FAXC: variants seen among roughly 807,000 people sequenced by gnomAD.
FAXC encodes the protein failed axon connections homolog.
Under a neutral mutation model 41.9 loss-of-function variants are expected in FAXC, and 10 were observed. That is an observed-to-expected ratio of 0.24 (90% CI 0.15 to 0.41). The LOEUF (loss-of-function observed/expected upper bound fraction) is 0.41, where lower values mean the gene tolerates loss of function less well. Ranked by LOEUF, FAXC falls within the 10% of genes least tolerant of loss-of-function variation. FAXC has a pLI of 1.00. For missense variants in FAXC, 399 were observed against 510.9 expected, an observed-to-expected ratio of 0.78 and a Z score of 2.11; for synonymous variants, 183 against 183.8, an observed-to-expected ratio of 1.00 and a Z score of 0.03.
rs59271412 is a variant in FAXC at position 99,349,529 on chromosome 6, A to AGAGGAGGAG, written c.-166_-158dup. On this transcript the variant is annotated 5_prime_UTR_variant, in exon 1 of 6. Transcript: ENST00000389677. Reference sequence around the variant, plus strand: ...CGGCGGCGACTGAGGAGGCGGCGGCAGAGGAGGAGGAGGAGGAAGGGCACT... The same window carrying AGAGGAGGAG: ...CGGCGGCGACTGAGGAGGCGGCGGCAGAGGAGGAGGAGGAGGAGGAGGAGGAAGGGCACT... 1 of 301,402 alleles carries AGAGGAGGAG rather than the reference A, an allele frequency of 3.3e-6. No homozygotes were observed. The highest frequency in any genetic ancestry group is 4.9e-6 in the Non-Finnish European group (1 of 206,134). The allele number at this position is 301,402 out of a possible 1,614,324, so 18.7% of individuals were successfully genotyped here.
rs147852055 is a variant in FAXC at position 99,318,306 on chromosome 6, C to CACAA, written c.823+5137_823+5138insTTGT. Among the ~76,000 whole-genome samples the CACAA allele has an allele frequency of 3.7e-3, 500 of 135,308 alleles. 2 individuals are homozygous for CACAA. The highest frequency in any genetic ancestry group is 7.8e-3 in the Middle Eastern group (2 of 256). The allele number at this position is 135,308 out of a possible 152,430, so 88.8% of individuals were successfully genotyped here. On this transcript the variant is annotated intron_variant, in intron 4 of 5. Transcript: ENST00000389677. ...ACACACACACACACACACACACACACAAAATAGAAGAAATGGAAAATATAT... is the reference window on the plus strand; with the variant it reads ...ACACACACACACACACACACACACACACAAAAAATAGAAGAAATGGAAAATATAT...
Position 99,314,355 on chromosome 6 carries a change from A to T in FAXC, c.823+9089T>A, listed in dbSNP as rs1008203540. ...ATGCCTATAATCCAAGCACCATCTT[A>T]TCTTTCCTGGACCCTGTCTCTACAA... is the stretch of plus-strand genomic sequence containing the variant. On this transcript the variant is annotated intron_variant, in intron 4 of 5. Coordinates refer to ENST00000389677, the MANE Select transcript of FAXC (RefSeq NM_032511.4). 5.3e-5 allele frequency among the ~76,000 whole-genome samples: 8 copies of T among 152,298 alleles called. No homozygotes were observed. The East Asian group carries it at 1.5e-3, about 29-fold the overall frequency.
chr6:99,310,846 G>T (rs1448743360), intron 4 of FAXC, among the ~76,000 whole-genome samples: 3 of 152,160 alleles, frequency 2.0e-5, no homozygotes, highest in Non-Finnish European at 2.9e-5. Flanking sequence ...TGAGTGTGTG[G>T]CTGCTGTGTT....
In FAXC at chr6:99,273,363, G is replaced by A. The variant is rs1322808625; in HGVS notation, c.*7801C>T. 6.6e-6 allele frequency: 1 copy of A among 151,784 alleles called. No individual in the cohort carries two copies. The highest frequency in any genetic ancestry group is 2.4e-5 in the African/African-American group (1 of 41,284). The allele number at this position is 151,784 out of a possible 1,614,324, so 9.4% of individuals were successfully genotyped here. On this transcript the variant is annotated 3_prime_UTR_variant, in exon 6 of 6. Coordinates refer to ENST00000389677, the MANE Select transcript of FAXC (RefSeq NM_032511.4). Reference sequence around the variant, plus strand: ...AGAAAAAAAGACATGTAATCAGTGAGATGATGAATTATCAGGCATTATCAA... The same window carrying A: ...AGAAAAAAAGACATGTAATCAGTGAAATGATGAATTATCAGGCATTATCAA...
rs775515382 is a variant in FAXC at position 99,314,215 on chromosome 6, CT to C, written c.823+9228del. Among the ~76,000 whole-genome samples, 14 of 152,118 alleles carry C rather than the reference CT, an allele frequency of 9.2e-5. No individual in the cohort carries two copies. In the East Asian group the frequency reaches 1.9e-3, roughly 21 times the overall value. ...AACCTGATTATGCCTGACCCCGCCC[CT>C]CTCCATCACCACAACCCTCCCCCTC... is the stretch of plus-strand genomic sequence containing the variant. On this transcript the variant is annotated intron_variant, in intron 4 of 5. Transcript: ENST00000389677.
chr6:99,301,062 A>G (rs1248956773), intron 4 of FAXC, among the ~76,000 whole-genome samples: 2 of 152,248 alleles, frequency 1.3e-5, no homozygotes, highest in Non-Finnish European at 2.9e-5. Context: ...ACCACTTTCA[A>G]ACATGTACAT....
At chr6:99,292,833 G>T (rs1206665271) in intron 4 of FAXC, among the ~76,000 whole-genome samples, 1 of 151,968 alleles carries the variant, frequency 6.6e-6, no homozygotes, top group African/African-American at 2.4e-5. Context: ...TTTTGAGACA[G>T]TCTCACTCTA....
chr6:99,328,551 G>A (rs1191617828), intron 3 of FAXC, among the ~76,000 whole-genome samples: 9 of 152,100 alleles, frequency 5.9e-5, no homozygotes, highest in African/African-American at 9.7e-5. Flanking sequence ...CAGCCCAAAC[G>A]GCCTAATATA....
intron 1 of FAXC, among the ~76,000 whole-genome samples, chr6:99,344,864 ATCTAAT>A (rs1382820866): frequency 1.3e-5 from 2 of 152,222 alleles, no homozygotes; most frequent in East Asian, 1.9e-4. Context: ...AGCCAGAACG[ATCTAAT>A]TCTAATTGTT....
At chr6:99,340,666 C>CTT (rs61071426) in intron 2 of FAXC, among the ~76,000 whole-genome samples, 8 of 96,950 alleles carry the variant, frequency 8.3e-5, no homozygotes, top group Non-Finnish European at 1.6e-4. Flanking sequence ...GCTAAAATTC[C>CTT]TTTTTTTTTT....
intron 2 of FAXC, chr6:99,334,700 A>G: frequency 2.1e-6 from 1 of 467,278 alleles, no homozygotes; most frequent in Non-Finnish European, 2.8e-6. Context: ...GATGCAATCT[A>G]TCCTCCACAC....
chr6:99,288,481 C>G (rs1771104827), intron 5 of FAXC, among the ~76,000 whole-genome samples: 1 of 151,972 alleles, frequency 6.6e-6, no homozygotes, highest in South Asian at 2.1e-4. Context: ...AAACACAGCC[C>G]TAAATGAACT....
chr6:99,296,524 C>T (rs1335839035), intron 4 of FAXC, among the ~76,000 whole-genome samples: 3 of 152,130 alleles, frequency 2.0e-5, no homozygotes, highest in Admixed American at 6.5e-5. Context: ...ATCAAAGCCC[C>T]GGGTGTGAAG....
chr6:99,305,308 C>T (rs969349704), intron 4 of FAXC, among the ~76,000 whole-genome samples: 4 of 152,204 alleles, frequency 2.6e-5, no homozygotes, highest in East Asian at 1.9e-4. Flanking sequence ...ACCATGGTTG[C>T]GGGGCAGAAA....
chr6:99,278,706 C>T lies in FAXC; in HGVS notation c.*2458G>A, dbSNP rs1333703086. On this transcript the variant is annotated 3_prime_UTR_variant, in exon 6 of 6. Transcript: ENST00000389677. Reference sequence around the variant, plus strand: ...CTAGGGCTCTAAATCAAATTAACACCTACAAAATGTTGATGCCCAGTTATA... The same window carrying T: ...CTAGGGCTCTAAATCAAATTAACACTTACAAAATGTTGATGCCCAGTTATA... 2 of 152,152 alleles carry T rather than the reference C, an allele frequency of 1.3e-5. No homozygotes were observed. Among genetic ancestry groups the T allele is most frequent in the African/African-American group, 4.8e-5 (2 of 41,436 alleles). 9.4% of individuals were successfully genotyped at this position (152,152 alleles called of 1,614,324 possible).
At chr6:99,310,726 G>C (rs1218162976) in intron 4 of FAXC, among the ~76,000 whole-genome samples, 1 of 152,158 alleles carries the variant, frequency 6.6e-6, no homozygotes, top group Admixed American at 6.5e-5. Context: ...TCTGATCTCT[G>C]TTCCCAGTTA....
chr6:99,329,993 G>T (rs1026908677), intron 3 of FAXC, among the ~76,000 whole-genome samples: 3 of 151,514 alleles, frequency 2.0e-5, no homozygotes, highest in Admixed American at 2.0e-4. Context: ...CGAACTCCTG[G>T]GCTCAAAAGA....
At chr6:99,318,825 G>T (rs899450467) in intron 4 of FAXC, among the ~76,000 whole-genome samples, 27 of 152,174 alleles carry the variant, frequency 1.8e-4, no homozygotes, top group African/African-American at 6.3e-4. Flanking sequence ...TGATGCCCCA[G>T]ATGTGAACCC....
At chr6:99,324,324 T>C (rs221526) in intron 3 of FAXC, among the ~76,000 whole-genome samples, 134,527 of 152,176 alleles carry the variant, frequency 0.88, 59,900 homozygotes, top group East Asian at 1. Context: ...CACGTCAGCC[T>C]CCAGAGTAGC....
Sources: allele counts gnomAD v4.1 joint callset (sites outside exome capture counted in the v4.1 genomes callset), GRCh38; gene constraint gnomAD v4.1.1; transcripts MANE v1.5; gene names NCBI Gene and HGNC (gene_info 2026-07-23, HGNC 2026-07-21).